Variants in COBLL1 observed in about 807,000 individuals in gnomAD.
COBLL1 encodes the protein cordon-bleu WH2 repeat protein like 1.
A neutral mutation model predicts 94.8 loss-of-function variants in COBLL1; 50 were observed. The ratio of observed to expected loss-of-function variants is 0.53; its 90% CI spans 0.42 to 0.67. COBLL1 has a LOEUF of 0.67. Among genes scored for constraint, COBLL1 ranks in the 30% least tolerant of loss-of-function variants. The pLI is 0.00. For missense variants in COBLL1, 1,362 were observed against 1,348.7 expected (o/e 1.01, Z -0.15); for synonymous variants, 448 against 473.8 (o/e 0.95, Z 0.71).
chr2:164,693,950 C>CAA (rs545834710), intron 12 of COBLL1, among the ~76,000 whole-genome samples: 89 of 151,992 alleles, frequency 5.9e-4, no homozygotes, highest in African/African-American at 2.1e-3. Flanking sequence ...AAGTTAAAAA[C>CAA]AAATTAAGAT....
chr2:164,669,829 G>A (rs575753691), intron 1 of COBLL1, among the ~76,000 whole-genome samples: 2 of 152,224 alleles, frequency 1.3e-5, no homozygotes, highest in South Asian at 4.1e-4. Context: ...TTTCTTATAT[G>A]TCTGTTGTAA....
intron 5 of COBLL1, chr2:164,725,134 A>ATATATATATATGTATATAT (rs1558956185): frequency 1.8e-5 from 1 of 55,392 alleles, no homozygotes; most frequent in Non-Finnish European, 3.3e-5. Context: ...ATATATATAT[A>ATATATATATATGTATATAT]AAATGAAAGC....
intron 7 of COBLL1, among the ~76,000 whole-genome samples, chr2:164,719,350 G>A (rs73013682): frequency 0.037 from 5,650 of 152,190 alleles, 348 homozygotes; most frequent in African/African-American, 0.13. Context: ...CTGGAATTAC[G>A]AAGTTGATGT....
intron 7 of COBLL1, among the ~76,000 whole-genome samples, chr2:164,706,624 G>C (rs1404287979): frequency 6.6e-6 from 1 of 152,044 alleles, no homozygotes; most frequent in African/African-American, 2.4e-5. Flanking sequence ...CCCTGTCTTA[G>C]TAAAGAACAA....
At chr2:164,740,733 GAAC>G (rs1686545603) in intron 3 of COBLL1, among the ~76,000 whole-genome samples, 1 of 152,160 alleles carries the variant, frequency 6.6e-6, no homozygotes, top group African/African-American at 2.4e-5. Flanking sequence ...TTGCAGCATA[GAAC>G]AATATGTAAT....
At chr2:164,773,590 A>G (rs355862) in intron 2 of COBLL1, 63,600 of 313,576 alleles carry the variant, frequency 0.2, 7,542 homozygotes, top group African/African-American at 0.36. Flanking sequence ...GAGTCCTCAG[A>G]CATATTAAAA....
At chr2:164,818,601 A>ATATGTGTACATATGTACACATATATAGCG (rs1684983847) in intron 2 of COBLL1, among the ~76,000 whole-genome samples, 1 of 140,240 alleles carries the variant, frequency 7.1e-6, no homozygotes, top group Non-Finnish European at 1.5e-5. Context: ...CATATATAGC[A>ATATGTGTACATATGTACACATATATAGCG]TATGTGTACA....
intron 2 of COBLL1, among the ~76,000 whole-genome samples, chr2:164,768,347 A>G (rs1245963354): frequency 6.6e-6 from 1 of 152,194 alleles, no homozygotes; most frequent in African/African-American, 2.4e-5. Context: ...CCTGCAGGCC[A>G]CATGCAGCCC....
Position 164,750,994 on chromosome 2 carries a change from T to C in COBLL1, c.42-7119A>G, listed in dbSNP as rs542234656. On this transcript the variant is annotated intron_variant, in intron 2 of 13. Transcript: ENST00000652658. ...CCATGTAATTCACACTGGCATTCTT[T>C]CCTGAAATAGACCCAGTCTCTTCAC... Among the ~76,000 whole-genome samples, 8 of 152,298 alleles carry C rather than the reference T, an allele frequency of 5.3e-5. No homozygotes were observed. The East Asian group carries it at 1.5e-3, about 29-fold the overall frequency.
Position 164,737,653 on chromosome 2 carries a change from C to T in COBLL1, c.230+6034G>A, listed in dbSNP as rs570324749. On this transcript the variant is annotated intron_variant, in intron 3 of 13. Coordinates refer to ENST00000652658, the MANE Select transcript of COBLL1 (RefSeq NM_001365672.2). ...ATCACACATTTGTCATCACTGGACA[C>T]TTCTCAATAAATATAAATATGACGT... Among the ~76,000 whole-genome samples, 5 of 152,270 alleles carry T rather than the reference C, an allele frequency of 3.3e-5. No homozygotes were observed. In the South Asian group the frequency reaches 8.3e-4, roughly 25 times the overall value.
At chr2:164,687,803 T>C in intron 13 of COBLL1, 1 of 437,628 alleles carries the variant, frequency 2.3e-6, no homozygotes, top group Non-Finnish European at 4.2e-6. Context: ...TTGTGGAACC[T>C]TGGTCCTAAA....
At chr2:164,718,063 C>T (rs530363422) in intron 7 of COBLL1, 6 of 159,900 alleles carry the variant, frequency 3.8e-5, no homozygotes, top group Admixed American at 2.0e-4. Context: ...AAGTTAACCA[C>T]GTACTTCTGA....
At chr2:164,791,560 C>T (rs1369719306) in intron 2 of COBLL1, among the ~76,000 whole-genome samples, 1 of 152,118 alleles carries the variant, frequency 6.6e-6, no homozygotes, top group African/African-American at 2.4e-5. Context: ...GGTGGGTAAC[C>T]TCCATACCAA....
chr2:164,717,536 C>A (rs1278586752), intron 7 of COBLL1, among the ~76,000 whole-genome samples: 1 of 152,136 alleles, frequency 6.6e-6, no homozygotes, highest in Non-Finnish European at 1.5e-5. Context: ...ATATAAACCA[C>A]ATTTTTACTA....
chr2:164,822,670 G>C (rs1685221503), intron 2 of COBLL1, among the ~76,000 whole-genome samples: 3 of 144,516 alleles, frequency 2.1e-5, no homozygotes, highest in African/African-American at 7.6e-5. Flanking sequence ...AATATGGGTA[G>C]AGAGAAGGTA....
intron 2 of COBLL1, among the ~76,000 whole-genome samples, chr2:164,795,410 A>G (rs1464905761): frequency 6.6e-6 from 1 of 152,172 alleles, no homozygotes; most frequent in Non-Finnish European, 1.5e-5. Flanking sequence ...TCAATTAAAA[A>G]CATGTTTCAT....
chr2:164,718,317 T>A, intron 7 of COBLL1: 1 of 849,938 alleles, frequency 1.2e-6, no homozygotes, highest in Non-Finnish European at 1.4e-6. Context: ...CCCTAAAGTT[T>A]ATCTTTAGAG....
At chr2:164,712,652 C>G (rs1684957303) in intron 7 of COBLL1, among the ~76,000 whole-genome samples, 1 of 151,878 alleles carries the variant, frequency 6.6e-6, no homozygotes, top group Non-Finnish European at 1.5e-5. Context: ...ACAAGCAAGT[C>G]AATTTTAAAG....
rs183055025 is a variant in COBLL1 at position 164,702,339 on chromosome 2, G to A, written c.1226-1583C>T. ...AGCACTTTGGGAGGCTGAGGAGGGC[G>A]GATCACAAGGTCAGGAGATCGAGAC... is the stretch of plus-strand genomic sequence containing the variant. On this transcript the variant is annotated intron_variant, in intron 9 of 13. Coordinates refer to ENST00000652658, the MANE Select transcript of COBLL1 (RefSeq NM_001365672.2). Among the ~76,000 whole-genome samples the A allele has an allele frequency of 3.0e-3, 453 of 151,782 alleles. 1 individual carries two copies. Among genetic ancestry groups the A allele is most frequent in the Middle Eastern group, 6.8e-3 (2 of 294 alleles).
Sources: gnomAD v4.1 joint callset for allele counts (sites outside exome capture counted in the v4.1 genomes callset) on GRCh38, gnomAD v4.1.1 for gene constraint, MANE v1.5 for transcripts, NCBI Gene and HGNC (gene_info 2026-07-23, HGNC 2026-07-21) for gene names.